The following RAB30 variants were observed in gnomAD, a reference collection of about 807,000 sequenced individuals.
RAB30 encodes the protein RAB30, member RAS oncogene family.
RAB30 carries 9 observed loss-of-function variants against 25.1 expected under a neutral mutation model. The ratio of observed to expected loss-of-function variants is 0.36; its 90% confidence interval spans 0.22 to 0.63. The LOEUF is 0.63. Ranked by LOEUF, RAB30 falls within the 20% of genes least tolerant of loss-of-function variation. The pLI is 0.69. For synonymous variants in RAB30, 77 were observed against 86.4 expected (o/e 0.89, Z 0.60); for missense variants, 140 against 243.5 (o/e 0.58, Z 2.83).
chr11:83,063,376 G>A (rs565958643), intron 1 of RAB30, among the ~76,000 whole-genome samples: 89 of 152,290 alleles, frequency 5.8e-4, no homozygotes, highest in Non-Finnish European at 9.6e-4. Context: ...TTTCAAGGTT[G>A]ATGACGTCCA....
rs999077496 is a variant in RAB30 at position 82,973,160 on chromosome 11, A to G, written c.*9005T>C. The G allele has an allele frequency of 6.6e-6, 1 of 152,238 alleles. No individual in the cohort carries two copies. The highest frequency in any genetic ancestry group is 2.4e-5 in the African/African-American group (1 of 41,458). 9.4% of individuals were successfully genotyped at this position (152,238 alleles called of 1,614,324 possible). On this transcript the variant is annotated 3_prime_UTR_variant, in exon 5 of 5. Transcript: ENST00000527633. ...TGGGCAACAGGAAATGTTTATTTAT[A>G]TACAAGTACATGGGAAAGCAATTTC...
chr11:83,067,662 C>CCAAT (rs1858734323), intron 1 of RAB30, among the ~76,000 whole-genome samples: 1 of 152,190 alleles, frequency 6.6e-6, no homozygotes, highest in Non-Finnish European at 1.5e-5. Flanking sequence ...ATCCCCCCAT[C>CCAAT]CAATCAATCA....
Position 83,004,949 on chromosome 11 carries a change from A to G in RAB30, c.-8-7625T>C, listed in dbSNP as rs1026501236. 3.3e-5 allele frequency among the ~76,000 whole-genome samples: 5 copies of G among 152,076 alleles called. No homozygotes were observed. In the East Asian group the frequency reaches 9.6e-4, roughly 29 times the overall value. ...CAATTACTAACCATTACTATAATCA[A>G]CTGCTACAAGCTCACTTGCTTTACA... On this transcript the variant is annotated intron_variant, in intron 1 of 4. Coordinates refer to ENST00000527633, the MANE Select transcript of RAB30 (RefSeq NM_001286060.2).
intron 1 of RAB30, among the ~76,000 whole-genome samples, chr11:83,032,972 G>C (rs918799019): frequency 8.6e-5 from 13 of 151,710 alleles, no homozygotes; most frequent in Non-Finnish European, 1.9e-4. Context: ...CATCTCACTG[G>C]GGAACATAAT....
intron 1 of RAB30, chr11:83,060,150 C>G (rs528883868): frequency 5.5e-4 from 84 of 151,946 alleles, no homozygotes; most frequent in African/African-American, 2.0e-3. Flanking sequence ...TGCCGTGAGC[C>G]GAGATTGCGC....
intron 1 of RAB30, among the ~76,000 whole-genome samples, chr11:83,043,318 C>T (rs1214188835): frequency 6.6e-6 from 1 of 152,190 alleles, no homozygotes; most frequent in East Asian, 1.9e-4. Context: ...CCTAGTCAGT[C>T]CAGCAGCTGA....
chr11:83,016,432 A>G (rs959607774), intron 1 of RAB30, among the ~76,000 whole-genome samples: 19 of 152,238 alleles, frequency 1.2e-4, no homozygotes, highest in African/African-American at 4.6e-4. Flanking sequence ...TTAAAAGGTT[A>G]TGGGAATTTG....
rs1258294924 is a variant in RAB30 at position 83,030,232 on chromosome 11, C to T, written c.-8-32908G>A. ...CTTTTCAATGCCAGGTGTGGTGGCT[C>T]ATGCTTATAATCCCAGCATTTTGGG... On this transcript the variant is annotated intron_variant, in intron 1 of 4. Coordinates refer to ENST00000527633, the MANE Select transcript of RAB30 (RefSeq NM_001286060.2). 2.0e-5 allele frequency among the ~76,000 whole-genome samples: 3 copies of T among 151,864 alleles called. No individual in the cohort carries two copies. The East Asian group carries it at 5.8e-4, about 29-fold the overall frequency.
rs377112139 is a variant in RAB30 at position 83,067,391 on chromosome 11, C to T, written c.-9+4300G>A. 2.4e-4 allele frequency among the ~76,000 whole-genome samples: 37 copies of T among 152,260 alleles called. No homozygotes were observed. In the East Asian group the frequency reaches 6.8e-3, roughly 28 times the overall value. ...ATGTGATATGTCCAACATCATACAG[C>T]TAATAAATAAGCAGTGTCCAGTGTG... On this transcript the variant is annotated intron_variant, in intron 1 of 4. Transcript: ENST00000527633.
intron 3 of RAB30, among the ~76,000 whole-genome samples, chr11:82,988,051 A>T (rs541558274): frequency 6.6e-6 from 1 of 152,096 alleles, no homozygotes; most frequent in Non-Finnish European, 1.5e-5. Context: ...TCTTAAAAAA[A>T]TACATATAGG....
At chr11:82,992,736 A>ACACACACAC (rs1856878714) in intron 3 of RAB30, among the ~76,000 whole-genome samples, 2 of 131,126 alleles carry the variant, frequency 1.5e-5, no homozygotes, top group Admixed American at 7.8e-5. Context: ...CTCTGTCACC[A>ACACACACAC]ACACACACAC....
intron 1 of RAB30, among the ~76,000 whole-genome samples, chr11:83,061,003 C>G (rs994118315): frequency 1.3e-5 from 2 of 152,220 alleles, no homozygotes; most frequent in African/African-American, 4.8e-5. Flanking sequence ...CCTTTGGACT[C>G]CAGGACTTAA....
At chr11:82,982,777 G>A (rs1040680076) in intron 4 of RAB30, among the ~76,000 whole-genome samples, 21 of 152,120 alleles carry the variant, frequency 1.4e-4, no homozygotes, top group African/African-American at 4.8e-4. Flanking sequence ...CAGAAGAATC[G>A]CTTGAACCCC....
chr11:82,977,500 G>C lies in RAB30; in HGVS notation c.*4665C>G, dbSNP rs1397482346. 6.6e-6 allele frequency: 1 copy of C among 152,184 alleles called. No homozygotes were observed. Among genetic ancestry groups the C allele is most frequent in the Non-Finnish European group, 1.5e-5 (1 of 68,032 alleles). The allele number at this position is 152,184 out of a possible 1,614,324, so 9.4% of individuals were successfully genotyped here. A position where few individuals can be genotyped will look rare whatever the true frequency, so the allele number is the denominator to read the frequency against. On this transcript the variant is annotated 3_prime_UTR_variant, in exon 5 of 5. Coordinates refer to ENST00000527633, the MANE Select transcript of RAB30 (RefSeq NM_001286060.2). ...GATCCTCTCCACATCTTTGCCTCTT[G>C]ACAGAGGCTATTACCTGAGGCAGAC...
chr11:82,997,523 C>T, intron 1 of RAB30, 199 bp from the exon 2 acceptor site: 2 of 538,614 alleles, frequency 3.7e-6, no homozygotes, highest in African/African-American at 1.9e-5. Context: ...TCTCAGCTAC[C>T]TCATGCCACA....
chr11:82,983,629 G>C (rs1378383109), intron 4 of RAB30, among the ~76,000 whole-genome samples: 1 of 151,602 alleles, frequency 6.6e-6, no homozygotes, highest in East Asian at 1.9e-4. Context: ...CAGAGACAGA[G>C]TTTCGCCACG....
At chr11:83,039,370 T>G (rs1858053959) in intron 1 of RAB30, among the ~76,000 whole-genome samples, 1 of 152,130 alleles carries the variant, frequency 6.6e-6, no homozygotes, top group African/African-American at 2.4e-5. Flanking sequence ...TAGTCCATGA[T>G]AAAAAGTCCT....
chr11:83,060,914 AT>A (rs1449276749), intron 1 of RAB30, among the ~76,000 whole-genome samples: 1 of 152,138 alleles, frequency 6.6e-6, no homozygotes, highest in African/African-American at 2.4e-5. Flanking sequence ...AAAGGCGAAT[AT>A]GTCAAGCTGT....
intron 1 of RAB30, among the ~76,000 whole-genome samples, chr11:83,019,766 T>C (rs1244331789): frequency 6.6e-6 from 1 of 152,228 alleles, no homozygotes; most frequent in African/African-American, 2.4e-5. Context: ...CGAAATTCAA[T>C]ACAATTGTTG....
Sources: gnomAD v4.1 joint callset for allele counts (sites outside exome capture counted in the v4.1 genomes callset) on GRCh38, gnomAD v4.1.1 for gene constraint, MANE v1.5 for transcripts, NCBI Gene and HGNC (gene_info 2026-07-23, HGNC 2026-07-21) for gene names.